The following CHIC1 variants were observed in gnomAD, a reference collection of about 807,000 sequenced individuals.
CHIC1 encodes cysteine rich hydrophobic domain 1.
A neutral mutation model predicts 18.5 loss-of-function variants in CHIC1; 7 were observed. The ratio of observed to expected loss-of-function variants is 0.38; its 90% CI spans 0.22 to 0.71. The LOEUF is 0.71. Ranked by LOEUF, CHIC1 falls within the 30% of genes least tolerant of loss-of-function variation. CHIC1 has a pLI of 0.49. For synonymous variants in CHIC1, 77 were observed against 73.5 expected, an observed-to-expected ratio of 1.05 and a Z score of -0.25; for missense variants, 159 against 176.9, an observed-to-expected ratio of 0.90 and a Z score of 0.57.
At chrX:73,590,135 G>GT (rs1603341131) in intron 3 of CHIC1, among the ~76,000 whole-genome samples, 2 of 109,827 alleles carry the variant, frequency 1.8e-5, no homozygotes, top group Non-Finnish European at 3.8e-5. Context: ...TTCTTGGAAT[G>GT]TTTTTTTTCT....
chrX:73,611,655 A>G (rs1366422634), intron 3 of CHIC1, among the ~76,000 whole-genome samples: 3 of 106,056 alleles, frequency 2.8e-5, no homozygotes, highest in South Asian at 4.1e-4. Flanking sequence ...AAGTGTTCCT[A>G]TTTCTCCACA....
At chrX:73,628,559 C>G (rs2147590567) in intron 3 of CHIC1, among the ~76,000 whole-genome samples, 1 of 111,618 alleles carries the variant, frequency 9.0e-6, no homozygotes, top group African/African-American at 3.3e-5. Flanking sequence ...GTTTTTCTAT[C>G]TGCTCTAGCA....
At chrX:73,639,704 T>C (rs1056202256) in intron 3 of CHIC1, among the ~76,000 whole-genome samples, 7 of 111,842 alleles carry the variant, frequency 6.3e-5, no homozygotes, top group African/African-American at 1.6e-4. Flanking sequence ...TGTAGGAAAG[T>C]GGTCCAGTGT....
chrX:73,621,338 A>G (rs190366956), intron 3 of CHIC1, among the ~76,000 whole-genome samples: 2 of 112,084 alleles, frequency 1.8e-5, no homozygotes, highest in African/African-American at 6.5e-5. Context: ...TGAGCAGGGA[A>G]TGTTTTTCCA....
intron 3 of CHIC1, among the ~76,000 whole-genome samples, chrX:73,613,145 G>C (rs2057716901): frequency 9.0e-6 from 1 of 111,680 alleles, no homozygotes; most frequent in South Asian, 3.7e-4. Context: ...GTTTTTGTTT[G>C]CATGGAGTAT....
chrX:73,623,066 G>C (rs769835245), intron 3 of CHIC1, among the ~76,000 whole-genome samples: 36 of 111,777 alleles, frequency 3.2e-4, no homozygotes, highest in African/African-American at 1.1e-3. Flanking sequence ...TATGATTTCT[G>C]TTCTTTTGCA....
At chrX:73,615,984 G>T (rs2057730961) in intron 3 of CHIC1, among the ~76,000 whole-genome samples, 1 of 111,013 alleles carries the variant, frequency 9.0e-6, no homozygotes, top group Non-Finnish European at 1.9e-5. Context: ...TGATTCAGGG[G>T]TCAGCCCTGG....
chrX:73,634,762 A>C (rs1047973403), intron 3 of CHIC1, among the ~76,000 whole-genome samples: 1 of 111,668 alleles, frequency 9.0e-6, no homozygotes, highest in Admixed American at 9.5e-5. Flanking sequence ...GTGCAGAGAG[A>C]TAGATATGGC....
intron 3 of CHIC1, among the ~76,000 whole-genome samples, chrX:73,666,348 A>G (rs2058004400): frequency 8.9e-6 from 1 of 111,909 alleles, no homozygotes; most frequent in Non-Finnish European, 1.9e-5. Flanking sequence ...CAAGCTGAGG[A>G]GGAAGGAAAG....
intron 3 of CHIC1, among the ~76,000 whole-genome samples, chrX:73,655,529 T>TGC (rs1401124276): frequency 8.3e-4 from 64 of 77,181 alleles, no homozygotes; most frequent in African/African-American, 3.6e-3. Context: ...ATATTGTGTA[T>TGC]ATATATATAC....
Position 73,595,843 on chromosome X carries a change from C to G in CHIC1, c.507+11271C>G, listed in dbSNP as rs776761584. Among the ~76,000 whole-genome samples the G allele has an allele frequency of 2.7e-5, 3 of 111,526 alleles. No homozygotes were observed. In the South Asian group the frequency reaches 1.1e-3, roughly 42 times the overall value. On this transcript the variant is annotated intron_variant, in intron 3 of 5. Transcript: ENST00000373502. ...ACATCCTCTCCAGCATCTTTTGTTT[C>G]CTGACTTTTTAATGATCACCATTCT...
chrX:73,615,032 G>T (rs965293378), intron 3 of CHIC1, among the ~76,000 whole-genome samples: 1 of 111,136 alleles, frequency 9.0e-6, no homozygotes, highest in Non-Finnish European at 1.9e-5. Context: ...CTTTTTAGGG[G>T]AGGACTTTTT....
At chrX:73,577,519 C>G in intron 2 of CHIC1, 58 bp downstream of exon 2, 2 of 868,811 alleles carry the variant, frequency 2.3e-6, no homozygotes, top group Non-Finnish European at 3.4e-6. Context: ...ATGGCTTACT[C>G]ATTGTTATGA....
intron 3 of CHIC1, among the ~76,000 whole-genome samples, chrX:73,624,257 C>T (rs747131598): frequency 9.0e-6 from 1 of 111,602 alleles, no homozygotes; most frequent in African/African-American, 3.2e-5. Context: ...TACCTAGTTA[C>T]TACACACCAA....
At chrX:73,631,624 TCTC>T (rs2057807398) in intron 3 of CHIC1, among the ~76,000 whole-genome samples, 1 of 106,245 alleles carries the variant, frequency 9.4e-6, no homozygotes, top group African/African-American at 3.6e-5. Flanking sequence ...AGAGACTCCA[TCTC>T]AAAAAAAAAA....
At chrX:73,669,666 C>T (rs2058020769) in intron 3 of CHIC1, among the ~76,000 whole-genome samples, 1 of 112,179 alleles carries the variant, frequency 8.9e-6, no homozygotes, top group East Asian at 2.8e-4. Flanking sequence ...GGCCAAGCCA[C>T]TGTGCTGCGT....
At chrX:73,623,667 C>T (rs1221907948) in intron 3 of CHIC1, among the ~76,000 whole-genome samples, 2 of 110,782 alleles carry the variant, frequency 1.8e-5, no homozygotes, top group African/African-American at 6.5e-5. Context: ...ATGTTTTAAC[C>T]CTCTAAACTT....
chrX:73,637,507 C>T (rs1569503676), intron 3 of CHIC1, among the ~76,000 whole-genome samples: 1 of 110,287 alleles, frequency 9.1e-6, no homozygotes, highest in Non-Finnish European at 1.9e-5. Context: ...ACATATTTGT[C>T]CATTTAATGG....
upstream of CHIC1, chrX:73,563,173 C>G (rs982706133): frequency 2.3e-5 from 16 of 695,659 alleles, 1 homozygote; most frequent in Admixed American, 6.1e-4. Flanking sequence ...CTCCTCAAAT[C>G]CTGTCCCTAC....
Sources: allele counts gnomAD v4.1 joint callset (sites outside exome capture counted in the v4.1 genomes callset), GRCh38; gene constraint gnomAD v4.1.1; transcripts MANE v1.5; gene names NCBI Gene and HGNC (gene_info 2026-07-23, HGNC 2026-07-21).